The following STXBP5L variants were observed in gnomAD, a reference collection of about 807,000 sequenced individuals.
STXBP5L encodes syntaxin-binding protein 5-like.
A neutral mutation model predicts 144.5 loss-of-function variants in STXBP5L; 65 were observed. That is an observed-to-expected ratio of 0.45 (90% CI 0.37 to 0.55). The LOEUF (loss-of-function observed/expected upper bound fraction) is 0.55. Ranked by LOEUF, STXBP5L falls within the 20% of genes least tolerant of loss-of-function variation. STXBP5L has a pLI of 0.00. For missense variants in STXBP5L, 1,298 were observed against 1,405.5 expected, an observed-to-expected ratio of 0.92 and a Z score of 1.22; for synonymous variants, 505 against 469.6, an observed-to-expected ratio of 1.08 and a Z score of -0.97.
At chr3:121,202,295 G>C (rs992831204) in intron 9 of STXBP5L, among the ~76,000 whole-genome samples, 4 of 151,946 alleles carry the variant, frequency 2.6e-5, no homozygotes, top group African/African-American at 7.3e-5. Flanking sequence ...TTACCAACTG[G>C]TATCTTTTCC....
intron 2 of STXBP5L, among the ~76,000 whole-genome samples, chr3:120,928,780 A>G (rs1042945645): frequency 6.6e-6 from 1 of 152,084 alleles, no homozygotes; most frequent in African/African-American, 2.4e-5. Flanking sequence ...AAAAACTTCA[A>G]AAGTATCCAT....
intron 25 of STXBP5L, among the ~76,000 whole-genome samples, chr3:121,417,258 C>T (rs1303988706): frequency 2.0e-5 from 3 of 151,998 alleles, no homozygotes; most frequent in Non-Finnish European, 4.4e-5. Context: ...GATGGTCGTA[C>T]AACTTTGTGA....
At chr3:120,989,851 A>G (rs914620061) in intron 3 of STXBP5L, among the ~76,000 whole-genome samples, 2 of 152,144 alleles carry the variant, frequency 1.3e-5, no homozygotes, top group East Asian at 3.8e-4. Context: ...AGCCAATATC[A>G]TACTGAATGG....
At chr3:120,984,475 C>A (rs773661780) in intron 3 of STXBP5L, among the ~76,000 whole-genome samples, 1 of 151,698 alleles carries the variant, frequency 6.6e-6, no homozygotes, top group Non-Finnish European at 1.5e-5. Flanking sequence ...GACTTTGTGT[C>A]CTACTATTTT....
chr3:121,113,666 C>CTTTTTTTTTTTTTTTTTTTTTT (rs1273804231), intron 5 of STXBP5L, among the ~76,000 whole-genome samples: 1 of 132,902 alleles, frequency 7.5e-6, no homozygotes, highest in Non-Finnish European at 1.6e-5. Context: ...ATTCTTTTTT[C>CTTTTTTTTTTTTTTTTTTTTTT]TTTTTCTTTT....
chr3:121,056,872 A>G (rs1948496349), intron 5 of STXBP5L, among the ~76,000 whole-genome samples: 1 of 151,640 alleles, frequency 6.6e-6, no homozygotes, highest in Non-Finnish European at 1.5e-5. Flanking sequence ...TATATCATAT[A>G]TAGAGAGAAT....
At chr3:121,099,108 A>T (rs2043285602) in intron 5 of STXBP5L, 1 of 152,240 alleles carries the variant, frequency 6.6e-6, no homozygotes, top group Admixed American at 6.5e-5. Flanking sequence ...GCCTCACAGC[A>T]TGGCAGCCAT....
At chr3:121,094,328 G>A (rs937580593) in intron 5 of STXBP5L, among the ~76,000 whole-genome samples, 6 of 152,108 alleles carry the variant, frequency 3.9e-5, no homozygotes, top group African/African-American at 1.4e-4. Flanking sequence ...GGGTATCCTT[G>A]TCGACTTTCT....
intron 3 of STXBP5L, among the ~76,000 whole-genome samples, chr3:120,993,383 C>T (rs1943080077): frequency 6.6e-6 from 1 of 151,970 alleles, no homozygotes; most frequent in African/African-American, 2.4e-5. Flanking sequence ...TAAATCATTT[C>T]TTATACCATG....
intron 5 of STXBP5L, among the ~76,000 whole-genome samples, chr3:121,109,326 G>A (rs1035903007): frequency 6.6e-6 from 1 of 151,698 alleles, no homozygotes; most frequent in Non-Finnish European, 1.5e-5. Flanking sequence ...TTATGGTGCC[G>A]ATTTGAGATC....
chr3:121,325,857 T>C (rs2044126700), intron 20 of STXBP5L, among the ~76,000 whole-genome samples: 1 of 151,954 alleles, frequency 6.6e-6, no homozygotes, highest in Admixed American at 6.6e-5. Flanking sequence ...AATGGAGAAA[T>C]TATGGCTAAG....
intron 2 of STXBP5L, among the ~76,000 whole-genome samples, chr3:120,928,848 T>C (rs148572395): frequency 6.6e-6 from 1 of 152,318 alleles, no homozygotes; most frequent in Admixed American, 6.5e-5. Flanking sequence ...CATTTCATTT[T>C]AGTATTTTTT....
intron 10 of STXBP5L, among the ~76,000 whole-genome samples, chr3:121,222,703 A>T (rs1223409098): frequency 6.6e-6 from 1 of 152,174 alleles, no homozygotes; most frequent in Non-Finnish European, 1.5e-5. Flanking sequence ...GTACGTGAAG[A>T]TGTCCTTTTG....
intron 3 of STXBP5L, among the ~76,000 whole-genome samples, chr3:121,041,170 G>GT (rs982675501): frequency 6.8e-5 from 10 of 146,308 alleles, no homozygotes; most frequent in South Asian, 2.1e-4. Context: ...CAGTTTTCTC[G>GT]TTTTTTTACC....
chr3:121,097,069 C>G lies in STXBP5L; in HGVS notation c.471-17856C>G, dbSNP rs1430407311. ...GGAGAGGAGAAATGTGGCAGTCTGGCCACAGCAGCCTTGCTCAGCTCTGCC... is the reference window on the plus strand; with the variant it reads ...GGAGAGGAGAAATGTGGCAGTCTGGGCACAGCAGCCTTGCTCAGCTCTGCC... On this transcript the variant is annotated intron_variant, in intron 5 of 26. Transcript: ENST00000471454. Among the ~76,000 whole-genome samples, 3 of 152,184 alleles carry G rather than the reference C, an allele frequency of 2.0e-5. No homozygotes were observed. The East Asian group carries it at 5.8e-4, about 29-fold the overall frequency.
intron 3 of STXBP5L, among the ~76,000 whole-genome samples, chr3:120,984,631 C>CTTTTTTTTTTTTTTTTTTTTTT (rs1942114934): frequency 1.2e-5 from 1 of 85,654 alleles, no homozygotes; most frequent in Non-Finnish European, 2.2e-5. Flanking sequence ...TTCTTTCTTT[C>CTTTTTTTTTTTTTTTTTTTTTT]CTTTTTTTTT....
At chr3:121,007,937 T>A (rs894422767) in intron 3 of STXBP5L, among the ~76,000 whole-genome samples, 1 of 152,140 alleles carries the variant, frequency 6.6e-6, no homozygotes, top group African/African-American at 2.4e-5. Context: ...TAAAAAAAAT[T>A]TATAATGGGA....
chr3:121,208,319 A>C (rs1577212713), intron 10 of STXBP5L, among the ~76,000 whole-genome samples: 2 of 116,874 alleles, frequency 1.7e-5, no homozygotes, highest in Non-Finnish European at 3.3e-5. Context: ...AACATCACAC[A>C]CCGGGGCCTG....
chr3:121,344,428 G>A (rs1380280709), intron 20 of STXBP5L, among the ~76,000 whole-genome samples: 1 of 151,806 alleles, frequency 6.6e-6, no homozygotes, highest in Non-Finnish European at 1.5e-5. Context: ...ATACTATTAA[G>A]TGCAACATTG....
Sources: gnomAD v4.1 joint callset for allele counts (sites outside exome capture counted in the v4.1 genomes callset) on GRCh38, gnomAD v4.1.1 for gene constraint, MANE v1.5 for transcripts, NCBI Gene and HGNC (gene_info 2026-07-23, HGNC 2026-07-21) for gene names.